The following PSMD7 variants were observed in gnomAD, a reference collection of about 807,000 sequenced individuals.
The protein encoded by PSMD7 is proteasome 26S subunit, non-ATPase 7.
Under a neutral mutation model 36.4 loss-of-function variants are expected in PSMD7, and 13 were observed. The ratio of observed to expected loss-of-function variants is 0.36; its 90% CI spans 0.23 to 0.57. PSMD7 has a LOEUF of 0.57. Among genes scored for constraint, PSMD7 ranks in the 20% least tolerant of loss-of-function variants. The pLI is 0.83. For synonymous variants in PSMD7, 186 were observed against 151.0 expected (o/e 1.23, Z -1.70); for missense variants, 298 against 393.6 (o/e 0.76, Z 2.06).
intron 5 of PSMD7, among the ~76,000 whole-genome samples, chr16:74,303,756 CTG>C (rs1355201528): frequency 6.6e-6 from 1 of 151,552 alleles, no homozygotes; most frequent in Non-Finnish European, 1.5e-5. Flanking sequence ...CAATCTCACT[CTG>C]TTGCTCAGGT....
At chr16:74,301,354 A>G (rs940468158) in intron 3 of PSMD7, among the ~76,000 whole-genome samples, 1 of 152,212 alleles carries the variant, frequency 6.6e-6, no homozygotes, top group Admixed American at 6.5e-5. Context: ...ACAAGGGGAA[A>G]TAACCTCTCA....
At chr16:74,298,605 A>G (rs927631801) in intron 1 of PSMD7, among the ~76,000 whole-genome samples, 2 of 152,224 alleles carry the variant, frequency 1.3e-5, no homozygotes, top group African/African-American at 4.8e-5. Context: ...GCACATGCCT[A>G]TAATCCTAGC....
intron 1 of PSMD7, among the ~76,000 whole-genome samples, chr16:74,297,261 C>G (rs1055608755): frequency 6.6e-6 from 1 of 152,230 alleles, no homozygotes; most frequent in Non-Finnish European, 1.5e-5. Flanking sequence ...TTCGTTTTGC[C>G]GAAGTTCGTT....
chr16:74,300,940 T>G, intron 2 of PSMD7, 112 bp from the exon 3 acceptor site: 1 of 551,298 alleles, frequency 1.8e-6, no homozygotes, highest in Non-Finnish European at 3.1e-6. Flanking sequence ...AATACTTTGC[T>G]GGGCAAGTGA....
chr16:74,297,388 C>T (rs970841594), intron 1 of PSMD7, among the ~76,000 whole-genome samples: 21 of 151,988 alleles, frequency 1.4e-4, no homozygotes, highest in African/African-American at 4.8e-4. Context: ...TTGCCGAAAT[C>T]TGGATAAAGC....
intron 6 of PSMD7, chr16:74,305,035 G>T: frequency 2.1e-6 from 1 of 467,972 alleles, no homozygotes; most frequent in Non-Finnish European, 3.5e-6. Context: ...AGTGGAAATG[G>T]TTTTATTTTA....
rs1025793702 is a variant in PSMD7 at position 74,304,941 on chromosome 16, TGAGA to T, written c.531-343_531-340del. Among the ~76,000 whole-genome samples, 13 of 152,344 alleles carry T rather than the reference TGAGA, an allele frequency of 8.5e-5. No individual in the cohort carries two copies. In the East Asian group the frequency reaches 2.3e-3, roughly 27 times the overall value. On this transcript the variant is annotated intron_variant, in intron 6 of 6. Transcript: ENST00000219313. Reference sequence around the variant, plus strand: ...GCCATCCTTTTAGGAACAGGAAAGCTGAGAGAGACAGCTTCAGTACAAGGTTACC... The same window carrying T: ...GCCATCCTTTTAGGAACAGGAAAGCTGAGACAGCTTCAGTACAAGGTTACC...
intron 2 of PSMD7, 57 bp downstream of exon 2, chr16:74,300,263 A>G: frequency 1.4e-6 from 2 of 1,475,720 alleles, no homozygotes; most frequent in Non-Finnish European, 1.9e-6. Flanking sequence ...TTTACCCTTT[A>G]AAAATATAAA....
rs377722617 is a variant in PSMD7, at chr16:74,300,862, A to G, written c.167-190A>G. On this transcript the variant is annotated intron_variant, in intron 2 of 6. Coordinates refer to ENST00000219313, the MANE Select transcript of PSMD7 (RefSeq NM_002811.5). ...TTGCCAGGTATTCCAGTTTTTTAAG[A>G]GAAGCTGGAAGTCTGGATTTTTATG... is the stretch of plus-strand genomic sequence containing the variant. Among the ~76,000 whole-genome samples, 22 of 152,316 alleles carry G rather than the reference A, an allele frequency of 1.4e-4. No homozygotes were observed. In the East Asian group the frequency reaches 2.3e-3, roughly 16 times the overall value.
chr16:74,300,355 A>G (rs2034146116), intron 2 of PSMD7, 149 bp downstream of exon 2: 1 of 672,024 alleles, frequency 1.5e-6, no homozygotes. Context: ...AAGATTGCAC[A>G]CTAGACCAGA....
intron 5 of PSMD7, among the ~76,000 whole-genome samples, 191 bp downstream of exon 5, chr16:74,302,483 G>A (rs1246399557): frequency 6.6e-6 from 1 of 152,074 alleles, no homozygotes; most frequent in African/African-American, 2.4e-5. Context: ...TTCCAACCAG[G>A]CACAGTGGCT....
chr16:74,298,241 G>C (rs1226171382), intron 1 of PSMD7, among the ~76,000 whole-genome samples: 1 of 151,562 alleles, frequency 6.6e-6, no homozygotes, highest in African/African-American at 2.4e-5. Flanking sequence ...CATCTAGTAA[G>C]CTCATTGTTT....
chr16:74,305,967 G>A lies in PSMD7; in HGVS notation c.*234G>A, dbSNP rs1041624583. 1 of 360,000 alleles carries A rather than the reference G, an allele frequency of 2.8e-6. No individual in the cohort carries two copies. The highest frequency in any genetic ancestry group is 4.9e-6 in the Non-Finnish European group (1 of 204,672). The allele number at this position is 360,000 out of a possible 1,614,324, so 22.3% of individuals were successfully genotyped here. ...GTTGGGGATATGATAGTCAGCTCAGGCTTCAGATTGTATGAGAAAAATGAA... is the reference window on the plus strand; with the variant it reads ...GTTGGGGATATGATAGTCAGCTCAGACTTCAGATTGTATGAGAAAAATGAA... On this transcript the variant is annotated 3_prime_UTR_variant, in exon 7 of 7. Transcript: ENST00000219313.
chr16:74,304,380 T>G lies in PSMD7; in HGVS notation c.516T>G (p.Val172=). 1.2e-6 allele frequency: 2 copies of G among 1,613,748 alleles called. No individual in the cohort carries two copies. The highest frequency in any genetic ancestry group is 1.7e-6 in the Non-Finnish European group (2 of 1,179,678). Residue 172 remains valine, a synonymous_variant, in exon 6 of 7, where the codon GTT becomes GTG. Coordinates refer to ENST00000219313, the MANE Select transcript of PSMD7 (RefSeq NM_002811.5). The part of the protein sequence containing the change: ...IGAEEAEEVG[V]EHLLRDIKDT... Reference sequence around the variant, plus strand: ...CAGAGGAAGCTGAGGAAGTTGGAGTTGAACACTTGTTACGGTGAGACCCTA... The same window carrying G: ...CAGAGGAAGCTGAGGAAGTTGGAGTGGAACACTTGTTACGGTGAGACCCTA...
intron 1 of PSMD7, 143 bp from the exon 2 acceptor site, chr16:74,299,972 C>G (rs1044881087): frequency 9.7e-6 from 7 of 721,462 alleles, no homozygotes; most frequent in Non-Finnish European, 1.4e-5. Flanking sequence ...TCAACCTAAC[C>G]CTATTACATT....
At chr16:74,297,117 A>T (rs2034119572) in intron 1 of PSMD7, 129 bp downstream of exon 1, 1 of 956,042 alleles carries the variant, frequency 1.0e-6, no homozygotes, top group South Asian at 1.5e-5. Flanking sequence ...TTACTTGTTC[A>T]CGAGTCCAGA....
chr16:74,298,291 C>T (rs1210334301), intron 1 of PSMD7, among the ~76,000 whole-genome samples: 1 of 151,910 alleles, frequency 6.6e-6, no homozygotes, highest in Non-Finnish European at 1.5e-5. Flanking sequence ...TGGAGTTGTT[C>T]ATCCTGCTAG....
chr16:74,304,085 G>C (rs1158714491), intron 5 of PSMD7: 10 of 452,500 alleles, frequency 2.2e-5, no homozygotes, highest in Non-Finnish European at 3.7e-5. Flanking sequence ...TCAACGCACA[G>C]TGCCCCAGCA....
intron 5 of PSMD7, 52 bp from the exon 6 acceptor site, chr16:74,304,249 CAT>C (rs540129793): frequency 1.0e-4 from 153 of 1,510,924 alleles, no homozygotes; most frequent in Admixed American, 2.2e-4. Flanking sequence ...AAAAGGAACA[CAT>C]GTCAGTTCGT....
Sources: allele counts gnomAD v4.1 joint callset (sites outside exome capture counted in the v4.1 genomes callset), GRCh38; gene constraint gnomAD v4.1.1; transcripts MANE v1.5; gene names NCBI Gene and HGNC (gene_info 2026-07-23, HGNC 2026-07-21).